Variants in TENM1 observed in about 807,000 individuals in gnomAD.
The protein encoded by TENM1 is teneurin transmembrane protein 1.
TENM1 carries 35 observed loss-of-function variants against 174.8 expected under a neutral mutation model. The observed-to-expected ratio is 0.20, with a 90% confidence interval of 0.15 to 0.27. The LOEUF is 0.27. Ranked by LOEUF, TENM1 falls within the 10% of genes least tolerant of loss-of-function variation. The pLI is 1.00. For missense variants in TENM1, 1,633 were observed against 2,130.1 expected (o/e 0.77, Z 4.59); for synonymous variants, 781 against 798.7 (o/e 0.98, Z 0.37).
At chrX:125,146,640 C>T in the TENM1 span, among the ~76,000 whole-genome samples, 3 of 110,589 alleles carry the variant, frequency 2.7e-5, no homozygotes, top group African/African-American at 9.9e-5. Flanking sequence ...GCAGTTTCTC[C>T]TATTAATAAG....
At chrX:125,198,453 G>C in the TENM1 span, among the ~76,000 whole-genome samples, 2 of 111,068 alleles carry the variant, frequency 1.8e-5, no homozygotes, top group African/African-American at 6.5e-5. Context: ...TGTTCTATTA[G>C]AACAAAAAAT....
At chrX:124,967,554 T>C (rs2058741838), upstream of TENM1, among the ~76,000 whole-genome samples, 1 of 111,343 alleles carries the variant, frequency 9.0e-6, no homozygotes, top group Non-Finnish European at 1.9e-5. Context: ...AGTGGGCAGC[T>C]TTACTCGAAG....
Position 124,809,039 on chromosome X carries a change from G to GT in TENM1, c.536-71843dup, listed in dbSNP as rs1301681342. ...AACTGAAAAGATGAATGAAACAGAGGTTTTTTTTAAAAGATAAAATCAACG... is the reference window on the plus strand; with the variant it reads ...AACTGAAAAGATGAATGAAACAGAGGTTTTTTTTTAAAAGATAAAATCAACG... On this transcript the variant is annotated intron_variant, in intron 3 of 31. Coordinates refer to ENST00000422452, the Ensembl canonical transcript of TENM1. Among the ~76,000 whole-genome samples, 33 of 110,518 alleles carry GT rather than the reference G, an allele frequency of 3.0e-4. No individual in the cohort carries two copies. In the South Asian group the frequency reaches 3.4e-3, roughly 11 times the overall value.
intron 11 of TENM1, among the ~76,000 whole-genome samples, chrX:124,603,080 C>T (rs756882711): frequency 1.6e-5 from 1 of 63,813 alleles, no homozygotes; most frequent in Admixed American, 2.1e-4. Flanking sequence ...AGGAATGCTG[C>T]CAGCCACCTG....
chrX:124,526,261 T>C (rs2047973576), intron 16 of TENM1, among the ~76,000 whole-genome samples: 1 of 112,082 alleles, frequency 8.9e-6, no homozygotes, highest in African/African-American at 3.2e-5. Flanking sequence ...TGCATCTCTT[T>C]CCTGAGAGTT....
chrX:124,893,997 A>G (rs1173988855), intron 3 of TENM1, among the ~76,000 whole-genome samples: 2 of 111,620 alleles, frequency 1.8e-5, no homozygotes, highest in Non-Finnish European at 3.8e-5. Flanking sequence ...GCCAAATCCA[A>G]CCCAACCTGA....
intron 20 of TENM1, among the ~76,000 whole-genome samples, chrX:124,490,451 C>T (rs1381855373): frequency 8.9e-6 from 1 of 112,059 alleles, no homozygotes; most frequent in Non-Finnish European, 1.9e-5. Context: ...AGTTCTCCTG[C>T]CTCTCAGCAT....
At chrX:124,994,478 A>C in the TENM1 span, among the ~76,000 whole-genome samples, 1 of 110,325 alleles carries the variant, frequency 9.1e-6, no homozygotes, top group South Asian at 3.9e-4. Context: ...GGTCCAAACA[A>C]GTTAAAAATA....
the TENM1 span, among the ~76,000 whole-genome samples, chrX:125,163,193 G>C: frequency 2.7e-5 from 3 of 111,207 alleles, no homozygotes; most frequent in Non-Finnish European, 5.7e-5. Context: ...GTGTGTGTTT[G>C]TTGGACAAGA....
chrX:125,140,376 C>T, the TENM1 span, among the ~76,000 whole-genome samples: 1 of 111,425 alleles, frequency 9.0e-6, no homozygotes, highest in Non-Finnish European at 1.9e-5. Context: ...TATGTGGGAG[C>T]TAAAAAAGTT....
At chrX:124,984,179 G>A in the TENM1 span, among the ~76,000 whole-genome samples, 1 of 111,469 alleles carries the variant, frequency 9.0e-6, no homozygotes, top group Non-Finnish European at 1.9e-5. Context: ...ATTATCAGTG[G>A]CTTCTTGTTG....
chrX:125,001,925 TCACACACACACACACACACACACACACA>T, the TENM1 span, among the ~76,000 whole-genome samples: 760 of 67,251 alleles, frequency 0.011, 12 homozygotes, highest in African/African-American at 0.038. Context: ...TCTAGAGAGA[TCACACACACACACACACACACACACACA>T]CACACACACA....
At chrX:124,709,604 C>T (rs2052995897) in intron 4 of TENM1, among the ~76,000 whole-genome samples, 1 of 109,465 alleles carries the variant, frequency 9.1e-6, no homozygotes, top group Non-Finnish European at 1.9e-5. Flanking sequence ...ATGAAACTTT[C>T]TTACTTAAAA....
the TENM1 span, among the ~76,000 whole-genome samples, chrX:125,155,569 G>C: frequency 2.5e-4 from 28 of 111,257 alleles, no homozygotes; most frequent in African/African-American, 9.1e-4. Context: ...ACGGAGGCGG[G>C]CGGGGGGAGG....
In TENM1 at chrX:124,670,092, T is replaced by A. The variant is rs138044041; in HGVS notation, c.1168+1591A>T. Among the ~76,000 whole-genome samples, 805 of 112,131 alleles carry A rather than the reference T, an allele frequency of 7.2e-3. 7 individuals carry two copies. Among genetic ancestry groups the A allele is most frequent in the African/African-American group, 0.025 (779 of 30,902 alleles). Reference sequence around the variant, plus strand: ...TGTGACCTTCATGATATAATCCATGTAAAGTTTCTGGAACAATTCTTGACA... The same window carrying A: ...TGTGACCTTCATGATATAATCCATGAAAAGTTTCTGGAACAATTCTTGACA... On this transcript the variant is annotated intron_variant, in intron 6 of 31. Coordinates refer to ENST00000422452, the Ensembl canonical transcript of TENM1.
In TENM1 at chrX:124,671,848, A is replaced by G; in HGVS notation, c.1016-13T>C. On this transcript the variant is annotated splice_polypyrimidine_tract_variant and intron_variant, in intron 5 of 31. Coordinates refer to ENST00000422452, the Ensembl canonical transcript of TENM1. Reference sequence around the variant, plus strand: ...AACAAATGCACTGCTGCAAGAGAACAAGCCATACATTAATTTATTCCAGAC... The same window carrying G: ...AACAAATGCACTGCTGCAAGAGAACGAGCCATACATTAATTTATTCCAGAC... 1 of 1,207,670 alleles carries G rather than the reference A, an allele frequency of 8.3e-7. No homozygotes were observed. The highest frequency in any genetic ancestry group is 3.0e-5 in the East Asian group (1 of 33,766).
upstream of TENM1, among the ~76,000 whole-genome samples, chrX:124,967,579 G>T (rs1321291503): frequency 9.0e-6 from 1 of 111,234 alleles, no homozygotes; most frequent in Non-Finnish European, 1.9e-5. Context: ...CTTAGGTATG[G>T]CAAGTCAGTA....
intron 12 of TENM1, 108 bp downstream of exon 15, chrX:124,565,267 C>A (rs2048915826): frequency 1.8e-6 from 1 of 545,297 alleles, no homozygotes; most frequent in Admixed American, 4.4e-5. Context: ...TCCTTCTCCT[C>A]CCCTACTCCA....
intron 18 of TENM1, among the ~76,000 whole-genome samples, chrX:124,516,712 C>A (rs912182721): frequency 1.8e-5 from 2 of 111,900 alleles, no homozygotes; most frequent in Non-Finnish European, 3.8e-5. Context: ...TTGGTGGGAG[C>A]ATAAATTTAG....
Sources: allele counts gnomAD v4.1 joint callset (sites outside exome capture counted in the v4.1 genomes callset), GRCh38; gene constraint gnomAD v4.1.1; transcripts MANE v1.5; gene names NCBI Gene and HGNC (gene_info 2026-07-23, HGNC 2026-07-21).